The following VWA3B variants were observed in gnomAD, a reference collection of about 807,000 sequenced individuals.
VWA3B encodes the protein von Willebrand factor A domain-containing protein 3B.
A neutral mutation model predicts 158.3 loss-of-function variants in VWA3B; 138 were observed. The observed-to-expected ratio is 0.87, with a 90% CI of 0.76 to 1.00. The LOEUF is 1.00. Ranked by LOEUF, VWA3B falls within the 50% of genes least tolerant of loss-of-function variation. The probability of loss-of-function intolerance (pLI) is 0.00; values close to 1 mark genes in which losing one functional copy is unlikely to be tolerated. For missense variants in VWA3B, 1,555 were observed against 1,565.1 expected (o/e 0.99, Z 0.11); for synonymous variants, 596 against 587.3 (o/e 1.01, Z -0.21).
At chr2:98,204,771 G>A (rs1312909112) in intron 12 of VWA3B, among the ~76,000 whole-genome samples, 1 of 152,126 alleles carries the variant, frequency 6.6e-6, no homozygotes, top group African/African-American at 2.4e-5. Flanking sequence ...TTCTGGAGTG[G>A]ATTGTGTAAA....
chr2:98,265,156 T>G (rs1237333112), intron 21 of VWA3B, among the ~76,000 whole-genome samples: 1 of 151,340 alleles, frequency 6.6e-6, no homozygotes, highest in East Asian at 1.9e-4. Flanking sequence ...ACTCATCATC[T>G]AGCATTAGGT....
the VWA3B span, among the ~76,000 whole-genome samples, chr2:98,323,230 T>C: frequency 6.6e-6 from 1 of 152,102 alleles, no homozygotes; most frequent in African/African-American, 2.4e-5. Context: ...GTAATCTCAA[T>C]ACAGAAATGA....
intron 2 of VWA3B, among the ~76,000 whole-genome samples, chr2:98,113,558 T>C (rs1459623322): frequency 1.3e-5 from 2 of 152,204 alleles, no homozygotes; most frequent in Admixed American, 1.3e-4. Flanking sequence ...TACTATATAT[T>C]ATTTATAACA....
In VWA3B at chr2:98,297,890, T is replaced by C; in HGVS notation, c.3158-17T>C. The C allele has an allele frequency of 6.8e-7, 1 of 1,465,484 alleles. No individual in the cohort carries two copies. The allele number at this position is 1,465,484 out of a possible 1,614,324, so 90.8% of individuals were successfully genotyped here. A position where few individuals can be genotyped will look rare whatever the true frequency, so the allele number is the denominator to read the frequency against. The stretch of plus-strand genomic sequence containing the variant: ...TTATTTGTCTTTATATTTTATGTTT[T>C]CTTTGATTCCTTCCAGGGGTTGTGA... On this transcript the variant is annotated splice_polypyrimidine_tract_variant and intron_variant, in intron 23 of 27. Transcript: ENST00000477737.
intron 2 of VWA3B, chr2:98,099,193 G>A (rs887549757): frequency 3.3e-5 from 5 of 152,064 alleles, no homozygotes; most frequent in Non-Finnish European, 2.9e-5. Flanking sequence ...AGATGTTTTT[G>A]TGTTACTCAT....
At chr2:98,115,935 T>A (rs1349138250) in intron 3 of VWA3B, among the ~76,000 whole-genome samples, 189 bp downstream of exon 3, 3 of 152,052 alleles carry the variant, frequency 2.0e-5, no homozygotes, top group African/African-American at 7.2e-5. Context: ...AAGTTTTTGA[T>A]CCATTAGAAA....
rs74735968 is a variant in VWA3B at position 98,192,969 on chromosome 2, T to A, written c.1538T>A (p.Ile513Asn). Residue 513 changes from isoleucine to asparagine, a missense_variant, in exon 11 of 28, where the codon ATT becomes AAT. By Grantham distance (149) the Ile-to-Asn change is moderately radical. Coordinates refer to ENST00000477737, the MANE Select transcript of VWA3B (RefSeq NM_144992.5). ...RLHNDCIYIL[I>N]DTSHSMKSKL... Reference sequence around the variant, plus strand: ...CATAATGATTGCATCTACATTCTCATTGACACGTCTCACTCAATGAAGAGC... The same window carrying A: ...CATAATGATTGCATCTACATTCTCAATGACACGTCTCACTCAATGAAGAGC... 2.5e-6 allele frequency: 4 copies of A among 1,614,010 alleles called. No individual in the cohort carries two copies. In the Admixed American group the frequency reaches 6.7e-5, roughly 27 times the overall value.
chr2:98,126,769 GAA>G (rs1675396894), intron 5 of VWA3B, among the ~76,000 whole-genome samples: 1 of 152,194 alleles, frequency 6.6e-6, no homozygotes, highest in Non-Finnish European at 1.5e-5. Flanking sequence ...AGGCCTGAGA[GAA>G]AGAGGCCTGG....
chr2:98,308,745 C>T (rs1208549055), intron 26 of VWA3B, among the ~76,000 whole-genome samples: 1 of 152,214 alleles, frequency 6.6e-6, no homozygotes. Flanking sequence ...GCTGGGGTTT[C>T]AGGCCGCCTG....
intron 21 of VWA3B, among the ~76,000 whole-genome samples, chr2:98,263,782 T>A (rs562776509): frequency 2.0e-4 from 30 of 152,144 alleles, no homozygotes; most frequent in Admixed American, 1.8e-3. Context: ...TTCTCCCTTT[T>A]CAATCTTTTG....
chr2:98,218,102 C>T, intron 14 of VWA3B, 74 bp downstream of exon 14: 2 of 1,455,942 alleles, frequency 1.4e-6, no homozygotes, highest in Non-Finnish European at 1.8e-6. Flanking sequence ...CTGGGTAATA[C>T]CTTCGTTGGG....
chr2:98,289,787 C>T (rs1318656227), intron 22 of VWA3B, among the ~76,000 whole-genome samples: 4 of 152,176 alleles, frequency 2.6e-5, no homozygotes, highest in African/African-American at 9.7e-5. Flanking sequence ...GTAGTCTTTG[C>T]TCTCCAGCTT....
intron 12 of VWA3B, 59 bp from the exon 13 acceptor site, chr2:98,211,871 T>C (rs1683547508): frequency 7.0e-7 from 1 of 1,438,432 alleles, no homozygotes; most frequent in Admixed American, 1.9e-5. Flanking sequence ...AAATAAATAC[T>C]TGTTTGTGAA....
intron 23 of VWA3B, among the ~76,000 whole-genome samples, chr2:98,293,131 G>T (rs1307194666): frequency 1.3e-5 from 2 of 152,102 alleles, no homozygotes; most frequent in African/African-American, 4.8e-5. Context: ...AGACCTACTG[G>T]GGGGAGTAGA....
At chr2:98,295,415 A>G (rs1272685771) in intron 23 of VWA3B, among the ~76,000 whole-genome samples, 1 of 152,220 alleles carries the variant, frequency 6.6e-6, no homozygotes, top group Non-Finnish European at 1.5e-5. Context: ...AGATTGTGAC[A>G]CCAATTCTCT....
At chr2:98,271,376 A>G (rs1688189943) in intron 22 of VWA3B, among the ~76,000 whole-genome samples, 1 of 152,254 alleles carries the variant, frequency 6.6e-6, no homozygotes, top group Non-Finnish European at 1.5e-5. Context: ...AATCATTAAT[A>G]AGGCAAACCT....
At chr2:98,206,735 C>T (rs1320190017) in intron 12 of VWA3B, 2 of 333,562 alleles carry the variant, frequency 6.0e-6, no homozygotes, top group African/African-American at 4.3e-5. Context: ...CACTCCCTAG[C>T]CAAGAGTGGC....
intron 22 of VWA3B, among the ~76,000 whole-genome samples, chr2:98,286,537 T>C (rs1005181731): frequency 2.0e-5 from 3 of 152,206 alleles, no homozygotes; most frequent in African/African-American, 7.2e-5. Context: ...TTTTATCCTT[T>C]ATCCTATTAA....
In VWA3B at chr2:98,303,767, T is replaced by C. The variant is rs1460478283; in HGVS notation, c.3486T>C (p.His1162=). The part of the protein sequence containing the change: ...SQNKYALSCS[H]IKSPPIPEDP... Reference sequence around the variant, plus strand: ...ACAAGTATGCGCTCTCTTGCTCTCATATAAAGTCACCCCCAATTCCTGAGG... The same window carrying C: ...ACAAGTATGCGCTCTCTTGCTCTCACATAAAGTCACCCCCAATTCCTGAGG... Residue 1162 remains histidine, a synonymous_variant, in exon 26 of 28, where the codon CAT becomes CAC. Transcript: ENST00000477737. 1.2e-6 allele frequency: 2 copies of C among 1,614,042 alleles called. No homozygotes were observed. The highest frequency in any genetic ancestry group is 1.3e-5 in the African/African-American group (1 of 74,922).
Sources: allele counts gnomAD v4.1 joint callset (sites outside exome capture counted in the v4.1 genomes callset), GRCh38; gene constraint gnomAD v4.1.1; transcripts MANE v1.5; gene names NCBI Gene and HGNC (gene_info 2026-07-23, HGNC 2026-07-21).